NSD2: variants seen among roughly 807,000 people sequenced by gnomAD.
The protein encoded by NSD2 is histone-lysine N-methyltransferase NSD2.
In NSD2, 12 loss-of-function variants were observed where a neutral mutation model predicts 139.0. The observed-to-expected ratio is 0.09, with a 90% confidence interval of 0.06 to 0.14. NSD2 has a LOEUF of 0.14. Ranked by LOEUF, NSD2 falls within the 10% of genes least tolerant of loss-of-function variation. The pLI is 1.00. For synonymous variants in NSD2, 669 were observed against 648.7 expected (o/e 1.03, Z -0.48); for missense variants, 1,155 against 1,745.0 (o/e 0.66, Z 6.02).
chr4:1,913,388 G>C (rs1434407160), intron 3 of NSD2, among the ~76,000 whole-genome samples: 2 of 152,230 alleles, frequency 1.3e-5, no homozygotes, highest in Non-Finnish European at 2.9e-5. Context: ...CTTGTGGAAG[G>C]CCTGACATCA....
At chr4:1,872,383 T>A (rs1316347243) in intron 1 of NSD2, among the ~76,000 whole-genome samples, 1 of 152,138 alleles carries the variant, frequency 6.6e-6, no homozygotes, top group African/African-American at 2.4e-5. Context: ...GTTTAAAATC[T>A]CGGCGTTTAA....
chr4:1,938,386 T>C lies in NSD2; in HGVS notation c.1675-65T>C, dbSNP rs1462105871. 1.3e-5 allele frequency: 16 copies of C among 1,260,156 alleles called. No individual in the cohort carries two copies. The African/African-American group carries it at 2.0e-4, about 16-fold the overall frequency. The allele number at this position is 1,260,156 out of a possible 1,614,324, so 78.1% of individuals were successfully genotyped here. ...TTTTGTTGTTCTTTTTCTTTTTTTT[T>C]CCTTTTTTTCTTTTCTTTTTTTTTT... On this transcript the variant is annotated intron_variant, in intron 7 of 21. Coordinates refer to ENST00000508803, the MANE Select transcript of NSD2 (RefSeq NM_001042424.3).
intron 1 of NSD2, among the ~76,000 whole-genome samples, chr4:1,888,583 T>C (rs1009112126): frequency 2.6e-5 from 4 of 152,126 alleles, no homozygotes; most frequent in Non-Finnish European, 5.9e-5. Flanking sequence ...TTTATTTTTT[T>C]TGAGACTGAG....
At chr4:1,945,629 C>G (rs1723547099) in intron 9 of NSD2, 1 of 1,064,442 alleles carries the variant, frequency 9.4e-7, no homozygotes, top group African/African-American at 1.6e-5. Context: ...GGCTTCTGTC[C>G]TCCTCTGTGT....
Position 1,976,078 on chromosome 4 carries a change from C to T in NSD2, c.3622-397C>T, listed in dbSNP as rs1007443104. ...GAGGATGGTCACTGCCCTCAGGTCACTGCCGCCCACCTGTGCCCACGTTCC... is the reference window on the plus strand; with the variant it reads ...GAGGATGGTCACTGCCCTCAGGTCATTGCCGCCCACCTGTGCCCACGTTCC... On this transcript the variant is annotated intron_variant, in intron 20 of 21. Coordinates refer to ENST00000508803, the MANE Select transcript of NSD2 (RefSeq NM_001042424.3). The surrounding 1 kb of genome is among the most constrained non-coding windows in gnomAD (Gnocchi z 5.3). Among the ~76,000 whole-genome samples the T allele has an allele frequency of 6.6e-6, 1 of 152,194 alleles. No homozygotes were observed. The highest frequency in any genetic ancestry group is 1.5e-5 in the Non-Finnish European group (1 of 68,032).
rs564710062 is a variant in NSD2 at position 1,913,466 on chromosome 4, G to A, written c.761-3405G>A. ...TGTGATGCTGTGCTTCAGCGGTCAC[G>A]CTCCTGGTCCACTTTCATGTTCCGC... On this transcript the variant is annotated intron_variant, in intron 3 of 21. Coordinates refer to ENST00000508803, the MANE Select transcript of NSD2 (RefSeq NM_001042424.3). 5.2e-5 allele frequency among the ~76,000 whole-genome samples: 8 copies of A among 152,384 alleles called. No individual in the cohort carries two copies. In the South Asian group the frequency reaches 1.0e-3, roughly 20 times the overall value.
At chr4:1,975,463 C>T (rs1227835519) in intron 20 of NSD2, 63 bp downstream of exon 20, 3 of 1,463,704 alleles carry the variant, frequency 2.0e-6, no homozygotes, top group Non-Finnish European at 2.9e-6. Flanking sequence ...TCCTGGAGAC[C>T]TGTGTCCCCC....
In NSD2 at chr4:1,955,824, A is replaced by G. The variant is rs369572952; in HGVS notation, c.2650A>G (p.Ile884Val). The change falls in exon 14 of 22, where the codon ATT (isoleucine) becomes GTT (valine). Residue 884 changes from isoleucine (I) to valine (V), a missense_variant. Ile to Val is a conservative substitution (Grantham distance 29). Transcript: ENST00000508803. The surrounding 1 kb of genome is among the most constrained non-coding windows in gnomAD (Gnocchi z 4.7). ...GAAGAAGCTGCACTTCCAGGATATC[A>G]TTTGGGTGAAACTTGGGAACTACAG... ...AGKKLHFQDI[I>V]WVKLGNYRWW... The G allele has an allele frequency of 5.0e-5, 81 of 1,614,158 alleles. No individual in the cohort carries two copies. In the African/African-American group the frequency reaches 9.3e-4, roughly 19 times the overall value.
rs1727683270 is a variant in NSD2, at chr4:1,980,794, A to C, written c.*1885A>C. 1 of 233,184 alleles carries C rather than the reference A, an allele frequency of 4.3e-6. No homozygotes were observed. The highest frequency in any genetic ancestry group is 5.6e-5 in the Admixed American group (1 of 17,782). 14.4% of individuals were successfully genotyped at this position (233,184 alleles called of 1,614,324 possible). A position where few individuals can be genotyped will look rare whatever the true frequency, so the allele number is the denominator to read the frequency against. Reference sequence around the variant, plus strand: ...GGCCTCTGAGGGGCACTCGCCGGTTAAGACAGGGTGGGAGTAGTGCTTTCC... The same window carrying C: ...GGCCTCTGAGGGGCACTCGCCGGTTCAGACAGGGTGGGAGTAGTGCTTTCC... On this transcript the variant is annotated 3_prime_UTR_variant, in exon 22 of 22. Coordinates refer to ENST00000508803, the MANE Select transcript of NSD2 (RefSeq NM_001042424.3).
chr4:1,957,022 G>A (rs1245050285), intron 15 of NSD2, among the ~76,000 whole-genome samples: 1 of 152,114 alleles, frequency 6.6e-6, no homozygotes, highest in Non-Finnish European at 1.5e-5. Flanking sequence ...ATTGAGAGGT[G>A]GACTTATGTG....
intron 20 of NSD2, 161 bp downstream of exon 20, chr4:1,975,561 C>T: frequency 1.6e-6 from 1 of 624,770 alleles, no homozygotes; most frequent in Non-Finnish European, 2.8e-6. Flanking sequence ...TGGCTCTCAA[C>T]AAAGGCCAGT....
At chr4:1,916,155 G>T (rs948514016) in intron 3 of NSD2, among the ~76,000 whole-genome samples, 3 of 152,060 alleles carry the variant, frequency 2.0e-5, no homozygotes, top group Non-Finnish European at 4.4e-5. Context: ...TGAGATAGGG[G>T]GGTAGCTAGC....
rs759109142 is a variant in NSD2 at position 1,975,019 on chromosome 4, G to C, written c.3514+15G>C. 2 of 1,614,054 alleles carry C rather than the reference G, an allele frequency of 1.2e-6. No homozygotes were observed. Among genetic ancestry groups the C allele is most frequent in the Admixed American group, 1.7e-5 (1 of 60,018 alleles). On this transcript the variant is annotated intron_variant, in intron 19 of 21. Coordinates refer to ENST00000508803, the MANE Select transcript of NSD2 (RefSeq NM_001042424.3). ...CATTCCTGCAGGTACAAGCTCTGGG[G>C]ACCCTGCATGGGGCTCCTGGCTATG...
At chr4:1,963,452 A>C (rs539104335) in intron 18 of NSD2, among the ~76,000 whole-genome samples, 1 of 152,320 alleles carries the variant, frequency 6.6e-6, no homozygotes, top group East Asian at 1.9e-4. Flanking sequence ...GGAGGAGGGC[A>C]GGGAGGTTAT....
chr4:1,912,443 A>G (rs551042844), intron 3 of NSD2, among the ~76,000 whole-genome samples: 2 of 152,182 alleles, frequency 1.3e-5, no homozygotes, highest in Admixed American at 6.5e-5. Context: ...CTGTAATTGC[A>G]TTTTCTTGTA....
chr4:1,930,887 T>A, intron 6 of NSD2, 117 bp downstream of exon 6: 1 of 1,355,200 alleles, frequency 7.4e-7, no homozygotes, highest in Non-Finnish European at 9.8e-7. Context: ...TTCTGACCCG[T>A]GGGGTTTGGG....
rs776314100 is a variant in NSD2 at position 1,942,379 on chromosome 4, C to T, written c.1881+2601C>T. 1.2e-6 allele frequency: 2 copies of T among 1,613,824 alleles called. No homozygotes were observed. The highest frequency in any genetic ancestry group is 2.2e-5 in the South Asian group (2 of 90,984). On this transcript the variant is annotated intron_variant, in intron 9 of 21. Coordinates refer to ENST00000508803, the MANE Select transcript of NSD2 (RefSeq NM_001042424.3). This position sits in a 1 kb window ranked among gnomAD's most constrained non-coding sequence, Gnocchi z 4.0. ...ACACCAGTCAAGTTGGATTTGAACC[C>T]AGCTGCTCTGTACTGCACTTAGAAT...
At chr4:1,909,286 C>A (rs189964016) in intron 3 of NSD2, among the ~76,000 whole-genome samples, 2 of 151,992 alleles carry the variant, frequency 1.3e-5, no homozygotes, top group Non-Finnish European at 2.9e-5. Flanking sequence ...TAGCATCAGC[C>A]GTTTCTCAGA....
rs188847710 is a variant in NSD2 at position 1,911,849 on chromosome 4, T to C, written c.761-5022T>C. Among the ~76,000 whole-genome samples, 3 of 152,316 alleles carry C rather than the reference T, an allele frequency of 2.0e-5. No homozygotes were observed. The East Asian group carries it at 5.8e-4, about 29-fold the overall frequency. On this transcript the variant is annotated intron_variant, in intron 3 of 21. Transcript: ENST00000508803. The stretch of plus-strand genomic sequence containing the variant: ...TGTTACACTCATTTATTTTACAAAC[T>C]TGGGATCAGATTACAATAATCTCTT...
Sources: allele counts gnomAD v4.1 joint callset (sites outside exome capture counted in the v4.1 genomes callset), GRCh38; gene constraint gnomAD v4.1.1; non-coding constraint Gnocchi (gnomAD v3.1); transcripts MANE v1.5; gene names NCBI Gene and HGNC (gene_info 2026-07-23, HGNC 2026-07-21).